Variants in MKLN1 observed in about 807,000 individuals in gnomAD.
MKLN1 encodes muskelin.
Under a neutral mutation model 99.0 loss-of-function variants are expected in MKLN1, and 18 were observed. The observed-to-expected ratio is 0.18, with a 90% CI of 0.13 to 0.27. MKLN1 has a LOEUF of 0.27. Ranked by LOEUF, MKLN1 falls within the 10% of genes least tolerant of loss-of-function variation. The probability of loss-of-function intolerance (pLI) is 1.00; values close to 1 mark genes in which losing one functional copy is unlikely to be tolerated. For synonymous variants in MKLN1, 288 were observed against 293.2 expected, an observed-to-expected ratio of 0.98 and a Z score of 0.18; for missense variants, 621 against 875.9, an observed-to-expected ratio of 0.71 and a Z score of 3.67.
intron 1 of MKLN1, among the ~76,000 whole-genome samples, chr7:131,372,391 C>T (rs549948494): frequency 7.6e-4 from 115 of 151,884 alleles, no homozygotes; most frequent in African/African-American, 2.7e-3. Flanking sequence ...TGAAAAAACA[C>T]AAAAAAGCAC....
At chr7:131,391,474 T>G (rs530201475) in intron 4 of MKLN1, among the ~76,000 whole-genome samples, 2 of 152,356 alleles carry the variant, frequency 1.3e-5, no homozygotes, top group South Asian at 4.1e-4. Context: ...AATTTTCATT[T>G]ATAATGAATG....
intron 12 of MKLN1, among the ~76,000 whole-genome samples, chr7:131,450,831 T>C (rs1584756815): frequency 1.3e-5 from 2 of 152,330 alleles, no homozygotes; most frequent in East Asian, 3.9e-4. Context: ...CTAGCCATCA[T>C]TGTTAACGCA....
chr7:131,195,044 A>C (rs1455419280), intron 2 of MKLN1, among the ~76,000 whole-genome samples: 1 of 152,242 alleles, frequency 6.6e-6, no homozygotes, highest in Admixed American at 6.5e-5. Context: ...GGTGTTTTGC[A>C]GTATCATACT....
intron 1 of MKLN1, among the ~76,000 whole-genome samples, chr7:131,113,563 T>C (rs1394906812): frequency 3.3e-5 from 5 of 151,590 alleles, no homozygotes; most frequent in Non-Finnish European, 7.4e-5. Context: ...GGCACACTAC[T>C]GTAATCCCAG....
intron 1 of MKLN1, among the ~76,000 whole-genome samples, chr7:131,328,475 C>T: frequency 6.6e-6 from 1 of 152,054 alleles, no homozygotes; most frequent in Non-Finnish European, 1.5e-5. Context: ...AGAGTGGGGT[C>T]ATTAAAAGTG....
intron 1 of MKLN1, among the ~76,000 whole-genome samples, chr7:131,355,646 A>G: frequency 7.6e-6 from 1 of 130,780 alleles, no homozygotes; most frequent in African/African-American, 2.9e-5. Flanking sequence ...ATATATATAT[A>G]TATGCTTTAA....
intron 2 of MKLN1, among the ~76,000 whole-genome samples, chr7:131,192,067 T>TTATACATGTA (rs1796551977): frequency 9.4e-6 from 1 of 106,826 alleles, no homozygotes; most frequent in Non-Finnish European, 1.8e-5. Context: ...TATATATATA[T>TTATACATGTA]TATATATATA....
chr7:131,132,779 T>C (rs1250145994), intron 1 of MKLN1, among the ~76,000 whole-genome samples: 5 of 151,262 alleles, frequency 3.3e-5, no homozygotes, highest in East Asian at 1.9e-4. Flanking sequence ...ATACAAAAAT[T>C]AGCCGGGCGT....
chr7:131,280,364 A>G (rs923967566), intron 3 of MKLN1, among the ~76,000 whole-genome samples: 1 of 152,314 alleles, frequency 6.6e-6, no homozygotes, highest in Non-Finnish European at 1.5e-5. Context: ...CCGTATGTTC[A>G]GCATTTTGAG....
chr7:131,312,181 C>T (rs1798578986), intron 3 of MKLN1, among the ~76,000 whole-genome samples: 1 of 152,164 alleles, frequency 6.6e-6, no homozygotes. Flanking sequence ...TATCACCATA[C>T]CCAGCTAATT....
intron 9 of MKLN1, among the ~76,000 whole-genome samples, chr7:131,435,371 C>T (rs1795646250): frequency 6.6e-6 from 1 of 152,128 alleles, no homozygotes; most frequent in African/African-American, 2.4e-5. Flanking sequence ...TCTCTTCCTT[C>T]TCCTTTGTAA....
chr7:131,416,860 G>A (rs1436125183), intron 8 of MKLN1, among the ~76,000 whole-genome samples: 3 of 151,666 alleles, frequency 2.0e-5, no homozygotes. Context: ...GTGTATGCCT[G>A]TAGTCTCAGC....
intron 12 of MKLN1, among the ~76,000 whole-genome samples, chr7:131,457,419 A>G (rs1796378901): frequency 6.6e-6 from 1 of 152,242 alleles, no homozygotes. Context: ...TATGAAAAAT[A>G]TAATGAAAAT....
At chr7:131,376,671 A>C (rs981551166) in intron 2 of MKLN1, among the ~76,000 whole-genome samples, 1 of 150,412 alleles carries the variant, frequency 6.6e-6, no homozygotes, top group Non-Finnish European at 1.5e-5. Flanking sequence ...TATATTTATA[A>C]TTTTTATATA....
intron 3 of MKLN1, among the ~76,000 whole-genome samples, chr7:131,249,026 A>G (rs1255158343): frequency 6.6e-6 from 1 of 152,170 alleles, no homozygotes; most frequent in East Asian, 1.9e-4. Flanking sequence ...TCCATTCCTG[A>G]GATTACCTGC....
intron 3 of MKLN1, among the ~76,000 whole-genome samples, chr7:131,229,363 C>G (rs1422388261): frequency 6.6e-6 from 1 of 151,966 alleles, no homozygotes; most frequent in Non-Finnish European, 1.5e-5. Context: ...CCCCCACCCC[C>G]ACACCCGATT....
intron 2 of MKLN1, among the ~76,000 whole-genome samples, chr7:131,143,326 G>A (rs1479517289): frequency 1.3e-5 from 2 of 152,104 alleles, no homozygotes; most frequent in Non-Finnish European, 2.9e-5. Context: ...AAATTGCTGG[G>A]CATGGTGGCA....
chr7:131,269,888 A>T (rs934156840), intron 3 of MKLN1, among the ~76,000 whole-genome samples: 2 of 151,880 alleles, frequency 1.3e-5, no homozygotes, highest in African/African-American at 4.8e-5. Flanking sequence ...CTAGTTATGG[A>T]GGTAACTTTT....
Position 131,298,937 on chromosome 7 carries a change from G to A in MKLN1, c.-178-76487G>A, listed in dbSNP as rs529314543. Among the ~76,000 whole-genome samples the A allele has an allele frequency of 4.7e-4, 72 of 152,286 alleles. 1 individual carries two copies. In the South Asian group the frequency reaches 0.014, roughly 30 times the overall value. On this transcript the variant is annotated intron_variant, in intron 3 of 7. Coordinates refer to the MKLN1 transcript ENST00000416992. ...TTAAGGGCATCAGATTAGCACTTTG[G>A]GAGGCCGAGGTAGGAGGAGCGCTTC... is the stretch of plus-strand genomic sequence containing the variant.
Sources: allele counts gnomAD v4.1 joint callset (sites outside exome capture counted in the v4.1 genomes callset), GRCh38; gene constraint gnomAD v4.1.1; transcripts MANE v1.5; gene names NCBI Gene and HGNC (gene_info 2026-07-23, HGNC 2026-07-21).